The following ACTN2 variants were observed in gnomAD, a reference collection of about 807,000 sequenced individuals.
ACTN2 encodes the protein alpha-actinin-2.
A neutral mutation model predicts 113.8 loss-of-function variants in ACTN2; 39 were observed. The ratio of observed to expected loss-of-function variants is 0.34; its 90% CI spans 0.27 to 0.45. The LOEUF (loss-of-function observed/expected upper bound fraction) is 0.45, where lower values mean the gene tolerates loss of function less well. ACTN2 is among the 20% of genes least tolerant of loss of function. The pLI is 1.00. For synonymous variants in ACTN2, 429 were observed against 444.1 expected (o/e 0.97, Z 0.43); for missense variants, 992 against 1,177.9 (o/e 0.84, Z 2.31).
At chr1:236,743,957 T>C (rs144471410) in intron 11 of ACTN2, among the ~76,000 whole-genome samples, 1,584 of 152,332 alleles carry the variant, frequency 0.01, 27 homozygotes, top group African/African-American at 0.035. Flanking sequence ...CAGTAAGTGG[T>C]ACATCGTCAT....
Position 236,709,937 on chromosome 1 carries a change from T to C in ACTN2, c.127-7921T>C, listed in dbSNP as rs113520506. Among the ~76,000 whole-genome samples, 378 of 152,300 alleles carry C rather than the reference T, an allele frequency of 2.5e-3. 1 individual carries two copies. The highest frequency in any genetic ancestry group is 8.6e-3 in the African/African-American group (357 of 41,564). ...GCTAGTTAAAGAAGTATAAAGGAAA[T>C]GTATAGATATGTTGCCAAATTTTTT... On this transcript the variant is annotated intron_variant, in intron 1 of 20. Transcript: ENST00000366578.
intron 7 of ACTN2, among the ~76,000 whole-genome samples, chr1:236,732,723 A>T (rs189023203): frequency 2.0e-3 from 306 of 152,238 alleles, no homozygotes; most frequent in Non-Finnish European, 2.9e-3. Flanking sequence ...GATTACAGAC[A>T]TAAGCCACTG....
chr1:236,710,602 G>C (rs1657994775), intron 1 of ACTN2, among the ~76,000 whole-genome samples: 1 of 152,164 alleles, frequency 6.6e-6, no homozygotes, highest in African/African-American at 2.4e-5. Flanking sequence ...CAGATCAGGG[G>C]CTCACAACGC....
chr1:236,701,490 T>C (rs1657674046), intron 1 of ACTN2, among the ~76,000 whole-genome samples: 1 of 152,220 alleles, frequency 6.6e-6, no homozygotes, highest in South Asian at 2.1e-4. Context: ...TGGAGGGCTG[T>C]GGGGCCACCA....
intron 19 of ACTN2, 101 bp downstream of exon 19, chr1:236,759,890 A>G (rs1445583761): frequency 1.8e-6 from 2 of 1,108,322 alleles, no homozygotes; most frequent in East Asian, 4.9e-5. Context: ...TGCATTTGGG[A>G]TTGGTTCGTT....
At chr1:236,715,550 A>G (rs1572109942) in intron 1 of ACTN2, among the ~76,000 whole-genome samples, 1 of 152,090 alleles carries the variant, frequency 6.6e-6, no homozygotes, top group East Asian at 1.9e-4. Context: ...ATCACTTAAA[A>G]CATGACTTGT....
At chr1:236,721,632 C>G (rs914110364) in intron 4 of ACTN2, among the ~76,000 whole-genome samples, 2 of 152,148 alleles carry the variant, frequency 1.3e-5, no homozygotes, top group African/African-American at 2.4e-5. Context: ...AAACAAGAGG[C>G]TTCCTAAAAT....
chr1:236,686,684 T>G lies in ACTN2; in HGVS notation c.11T>G (p.Ile4Arg). The G allele has an allele frequency of 6.4e-7, 1 of 1,558,646 alleles. No homozygotes were observed. Among genetic ancestry groups the G allele is most frequent in the Admixed American group, 1.8e-5 (1 of 54,622 alleles). The change falls in exon 1 of 21, where the codon ATA becomes AGA. Residue 4 changes from isoleucine (I) to arginine (R), a missense_variant. Ile to Arg is a moderately conservative substitution (Grantham distance 97). This residue lies in a region of ACTN2 where 36 missense variants were observed against 25.0 expected (regional missense o/e 1.44). Coordinates refer to ENST00000366578, the MANE Select transcript of ACTN2 (RefSeq NM_001103.4). ...GGCCAACCGAGCGCCATGAACCAGA[T>G]AGAGCCCGGCGTGCAGTACAACTAC... MNQ[I>R]EPGVQYNYVY...
In ACTN2 at chr1:236,709,486, G is replaced by A. The variant is rs115105293; in HGVS notation, c.127-8372G>A. On this transcript the variant is annotated intron_variant, in intron 1 of 20. Coordinates refer to ENST00000366578, the MANE Select transcript of ACTN2 (RefSeq NM_001103.4). ...CTGAGCCATGACTGCAGGCTGGACC[G>A]AGCTCTGCCTGTCCTCCATGCCCCA... Among the ~76,000 whole-genome samples, 1,039 of 151,200 alleles carry A rather than the reference G, an allele frequency of 6.9e-3. 11 individuals are homozygous for A. Among genetic ancestry groups the A allele is most frequent in the African/African-American group, 0.024 (980 of 41,122 alleles).
At chr1:236,695,568 C>A (rs1327301249) in intron 1 of ACTN2, among the ~76,000 whole-genome samples, 2 of 104,510 alleles carry the variant, frequency 1.9e-5, no homozygotes, top group Non-Finnish European at 3.7e-5. Flanking sequence ...TGAGTTCCCC[C>A]CCCCTGCCCA....
chr1:236,720,295 G>T, intron 4 of ACTN2, 104 bp downstream of exon 4: 1 of 923,862 alleles, frequency 1.1e-6, no homozygotes, highest in East Asian at 2.5e-5. Context: ...TTACATGATT[G>T]AATGAGAGAC....
At chr1:236,753,637 G>A (rs1659465350) in intron 15 of ACTN2, among the ~76,000 whole-genome samples, 1 of 152,150 alleles carries the variant, frequency 6.6e-6, no homozygotes, top group Non-Finnish European at 1.5e-5. Flanking sequence ...AGCAGGCCTA[G>A]AGCCTCTGGC....
Position 236,720,264 on chromosome 1 carries a change from G to A in ACTN2, c.448+73G>A, listed in dbSNP as rs1341862. The A allele has an allele frequency of 0.98, 1,230,242 of 1,258,738 alleles. 602,632 individuals are homozygous for A. Among genetic ancestry groups the A allele is most frequent in the Non-Finnish European group, 1 (853,649 of 857,338 alleles). 78.0% of individuals were successfully genotyped at this position (1,258,738 alleles called of 1,614,324 possible). A position where few individuals can be genotyped will look rare whatever the true frequency, so the allele number is the denominator to read the frequency against. ...TTGTGAATTAAAATTTGAGCAAGAT[G>A]TTTTAAAGTCCAACAGTCACTTACA... is the stretch of plus-strand genomic sequence containing the variant. On this transcript the variant is annotated intron_variant, in intron 4 of 20. Transcript: ENST00000366578.
chr1:236,745,618 T>C (rs1244020047), intron 12 of ACTN2, among the ~76,000 whole-genome samples: 1 of 152,116 alleles, frequency 6.6e-6, no homozygotes, highest in Non-Finnish European at 1.5e-5. Context: ...ACGGAGTGAA[T>C]GTTCTCAGTT....
chr1:236,721,424 C>T (rs1320612188), intron 4 of ACTN2, among the ~76,000 whole-genome samples: 1 of 152,092 alleles, frequency 6.6e-6, no homozygotes, highest in Non-Finnish European at 1.5e-5. Context: ...CCCTTATGGA[C>T]CTTCAAACTC....
rs563026318 is a variant in ACTN2, at chr1:236,692,024, G to T, written c.126+5225G>T. ...CAGAGCTCCAGAGGTTTTTTGAGCT[G>T]GGAAGACCCATGCTTACAGAACTAG... On this transcript the variant is annotated intron_variant, in intron 1 of 20. Coordinates refer to ENST00000366578, the MANE Select transcript of ACTN2 (RefSeq NM_001103.4). Among the ~76,000 whole-genome samples the T allele has an allele frequency of 2.6e-5, 4 of 152,360 alleles. No individual in the cohort carries two copies. The East Asian group carries it at 5.8e-4, about 22-fold the overall frequency.
intron 1 of ACTN2, among the ~76,000 whole-genome samples, chr1:236,695,080 G>T (rs575454445): frequency 6.6e-6 from 1 of 151,780 alleles, no homozygotes; most frequent in East Asian, 1.9e-4. Flanking sequence ...GTTAAAAAAT[G>T]TTCAGGCCGG....
At chr1:236,733,375 T>G (rs1293168352) in intron 7 of ACTN2, among the ~76,000 whole-genome samples, 1 of 152,242 alleles carries the variant, frequency 6.6e-6, no homozygotes, top group Non-Finnish European at 1.5e-5. Flanking sequence ...TAATATTCTC[T>G]TCTCAGTTCT....
At chr1:236,723,045 A>G (rs1235106082) in intron 4 of ACTN2, among the ~76,000 whole-genome samples, 1 of 152,248 alleles carries the variant, frequency 6.6e-6, no homozygotes, top group Non-Finnish European at 1.5e-5. Context: ...TCAGGCAGAA[A>G]TTAAGTGAAA....
Sources: gnomAD v4.1 joint callset for allele counts (sites outside exome capture counted in the v4.1 genomes callset) on GRCh38, gnomAD v4.1.1 for gene constraint, gnomAD v4.1.1 regional missense constraint, MANE v1.5 for transcripts, NCBI Gene and HGNC (gene_info 2026-07-23, HGNC 2026-07-21) for gene names.